ADGRA2: variants seen among roughly 807,000 people sequenced by gnomAD.
ADGRA2 encodes the protein adhesion G protein-coupled receptor A2.
ADGRA2 carries 61 observed loss-of-function variants against 98.7 expected under a neutral mutation model. The observed-to-expected ratio is 0.62, with a 90% CI of 0.50 to 0.76. The LOEUF is 0.76. ADGRA2 is among the 30% of genes least tolerant of loss of function. The probability of loss-of-function intolerance (pLI) is 0.00; values close to 1 mark genes in which losing one functional copy is unlikely to be tolerated. For missense variants in ADGRA2, 1,712 were observed against 1,860.0 expected, an observed-to-expected ratio of 0.92 and a Z score of 1.46; for synonymous variants, 858 against 831.5, an observed-to-expected ratio of 1.03 and a Z score of -0.55.
At position 37,840,265 on chromosome 8, in the gene ADGRA2, C is replaced by G; in HGVS notation, c.2656C>G (p.Arg886Gly). The change falls in exon 17 of 19, where the codon CGG (arginine) becomes GGG (glycine). Residue 886 changes from arginine to glycine, a missense_variant and splice_region_variant. Coordinates refer to ENST00000412232, the MANE Select transcript of ADGRA2 (RefSeq NM_032777.10). ...PALPTPSPML[R>G]FYLIAGGIPL... ...TCTGCCTACTCCCAGTCCTATGCTC[C>G]GGTACATACTTTCAATTCCAGCTTT... 6.2e-7 allele frequency: 1 copy of G among 1,611,856 alleles called. No homozygotes were observed. Among genetic ancestry groups the G allele is most frequent in the Non-Finnish European group, 8.5e-7 (1 of 1,179,944 alleles).
intron 2 of ADGRA2, among the ~76,000 whole-genome samples, chr8:37,825,219 T>C (rs1166313144): frequency 6.6e-6 from 1 of 151,976 alleles, no homozygotes; most frequent in Non-Finnish European, 1.5e-5. Flanking sequence ...AACGGAGGGA[T>C]CAGATCAGAC....
chr8:37,831,295 A>G (rs1805444375), intron 7 of ADGRA2, 128 bp from the exon 8 acceptor site: 1 of 817,024 alleles, frequency 1.2e-6, no homozygotes, highest in Non-Finnish European at 1.9e-6. Context: ...AAAGGAGTGC[A>G]TACTTGCATC....
intron 2 of ADGRA2, among the ~76,000 whole-genome samples, chr8:37,825,815 T>A (rs1805262539): frequency 1.3e-5 from 2 of 152,118 alleles, no homozygotes; most frequent in South Asian, 4.1e-4. Context: ...CATGGGTCCT[T>A]CAGGCTCTCA....
At chr8:37,818,183 G>C (rs967806976) in intron 2 of ADGRA2, among the ~76,000 whole-genome samples, 6 of 152,116 alleles carry the variant, frequency 3.9e-5, no homozygotes, top group Admixed American at 3.9e-4. Flanking sequence ...GGGGTCTTTG[G>C]AGGAAGGCAA....
intron 1 of ADGRA2, among the ~76,000 whole-genome samples, chr8:37,809,489 A>G (rs1331281741): frequency 6.6e-6 from 1 of 152,138 alleles, no homozygotes; most frequent in Admixed American, 6.6e-5. Flanking sequence ...GTTAAGGCCA[A>G]AAGATCCAAC....
chr8:37,828,150 C>CAAAAT (rs1014274389), intron 2 of ADGRA2, among the ~76,000 whole-genome samples: 2 of 151,880 alleles, frequency 1.3e-5, no homozygotes, highest in African/African-American at 4.8e-5. Flanking sequence ...AAAAACAAAA[C>CAAAAT]AAAACAAAAC....
intron 1 of ADGRA2, among the ~76,000 whole-genome samples, chr8:37,804,152 C>CACACACACACAT (rs67544121): frequency 6.7e-6 from 1 of 149,828 alleles, no homozygotes; most frequent in African/African-American, 2.5e-5. Context: ...CACACACACA[C>CACACACACACAT]GGCTCTTAGC....
At chr8:37,840,579 T>C (rs1181820538) in intron 17 of ADGRA2, among the ~76,000 whole-genome samples, 181 bp from the exon 18 acceptor site, 3 of 152,162 alleles carry the variant, frequency 2.0e-5, no homozygotes, top group African/African-American at 7.2e-5. Flanking sequence ...CTCTGCCCCT[T>C]AGAACAGTCA....
chr8:37,814,823 C>T lies in ADGRA2; in HGVS notation c.267-73C>T. The T allele has an allele frequency of 1.8e-6, 2 of 1,111,414 alleles. No individual in the cohort carries two copies. The highest frequency in any genetic ancestry group is 2.5e-5 in the South Asian group (2 of 79,984). 68.8% of individuals were successfully genotyped at this position (1,111,414 alleles called of 1,614,324 possible). ...CCATTGACAAAGATGCAAGCTGGCC[C>T]CACCAGTGGTGAAAGCGGATGCCCA... is the stretch of plus-strand genomic sequence containing the variant. On this transcript the variant is annotated intron_variant, in intron 1 of 18. Transcript: ENST00000412232. The surrounding 1 kb of genome is among the most constrained non-coding windows in gnomAD (Gnocchi z 4.3).
In ADGRA2 at chr8:37,839,010, G is replaced by A. The variant is rs141853893; in HGVS notation, c.2314G>A (p.Val772Met). Residue 772 changes from valine to methionine, a missense_variant, in exon 15 of 19, where the codon GTG becomes ATG. Physicochemically the swap from Val to Met is conservative, Grantham distance 21. Coordinates refer to ENST00000412232, the MANE Select transcript of ADGRA2 (RefSeq NM_032777.10). ...VGGAGAGLHP[V>M]VYPCTALLLL... ...GGGCGCCGGGGCAGGGCTGCACCCC[G>A]TGGTATACCCCTGCACGGCCTTGCT... is the stretch of plus-strand genomic sequence containing the variant. 201 of 1,600,158 alleles carry A rather than the reference G, an allele frequency of 1.3e-4. No homozygotes were observed. In the African/African-American group the frequency reaches 1.7e-3, roughly 14 times the overall value.
At chr8:37,840,338 G>T in intron 17 of ADGRA2, 72 bp downstream of exon 17, 6 of 1,515,558 alleles carry the variant, frequency 4.0e-6, no homozygotes, top group Non-Finnish European at 4.5e-6. Flanking sequence ...CTCCCAAGGT[G>T]GGTGAAGGGT....
intron 2 of ADGRA2, among the ~76,000 whole-genome samples, chr8:37,816,586 C>G (rs574028186): frequency 7.5e-6 from 1 of 133,700 alleles, no homozygotes; most frequent in Non-Finnish European, 1.6e-5. Flanking sequence ...AGCGAGACTC[C>G]GTCTCAAACA....
At chr8:37,835,130 G>T in intron 11 of ADGRA2, 44 bp from the exon 12 acceptor site, 2 of 1,418,434 alleles carry the variant, frequency 1.4e-6, no homozygotes, top group South Asian at 1.2e-5. Context: ...CCAAGCAGAA[G>T]GCCACCATCT....
At chr8:37,817,347 G>T (rs16887057) in intron 2 of ADGRA2, among the ~76,000 whole-genome samples, 1 of 152,180 alleles carries the variant, frequency 6.6e-6, no homozygotes, top group African/African-American at 2.4e-5. Context: ...CCCTCTAACC[G>T]TCTGCTCTGT....
intron 7 of ADGRA2, 119 bp from the exon 8 acceptor site, chr8:37,831,304 T>A: frequency 1.1e-6 from 1 of 880,932 alleles, no homozygotes. Context: ...CATACTTGCA[T>A]CCCTTGTTTC....
Position 37,844,472 on chromosome 8 carries a change from G to A in ADGRA2, c.*2117G>A, listed in dbSNP as rs1163232742. 3.1e-6 allele frequency: 5 copies of A among 1,608,446 alleles called. No individual in the cohort carries two copies. The Admixed American group carries it at 6.7e-5, about 21-fold the overall frequency. ...TCAAGCTGTCAGAACAGGATGAAGT[G>A]CTCCCAGTGGATATCCATCAGGGAG... On this transcript the variant is annotated 3_prime_UTR_variant, in exon 19 of 19. Coordinates refer to ENST00000412232, the MANE Select transcript of ADGRA2 (RefSeq NM_032777.10).
intron 2 of ADGRA2, among the ~76,000 whole-genome samples, chr8:37,815,285 G>T (rs6468441): frequency 0.011 from 1,712 of 152,286 alleles, 29 homozygotes; most frequent in African/African-American, 0.039. Flanking sequence ...CCTCCCCCTC[G>T]CAGCTGGGGG....
At chr8:37,837,965 CG>C (rs773012623) in intron 14 of ADGRA2, 26 bp downstream of exon 14, 29 of 1,277,098 alleles carry the variant, frequency 2.3e-5, no homozygotes, top group Admixed American at 6.4e-5. Context: ...GGTGACAAGT[CG>C]GGGGGGCAGG....
At position 37,841,019 on chromosome 8, in the gene ADGRA2, A is replaced by G; in HGVS notation, c.2748-67A>G. The G allele has an allele frequency of 7.4e-7, 1 of 1,344,842 alleles. No homozygotes were observed. The highest frequency in any genetic ancestry group is 1.0e-6 in the Non-Finnish European group (1 of 967,178). 83.3% of individuals were successfully genotyped at this position (1,344,842 alleles called of 1,614,324 possible). ...CTCACCATATCCTGTCTCCCCAACCACCCCGGCCCCCAGCCCCACCCCAGC... is the reference window on the plus strand; with the variant it reads ...CTCACCATATCCTGTCTCCCCAACCGCCCCGGCCCCCAGCCCCACCCCAGC... On this transcript the variant is annotated intron_variant, in intron 18 of 18. Coordinates refer to ENST00000412232, the MANE Select transcript of ADGRA2 (RefSeq NM_032777.10). The surrounding 1 kb of genome is among the most constrained non-coding windows in gnomAD (Gnocchi z 5.0).
Sources: gnomAD v4.1 joint callset for allele counts (sites outside exome capture counted in the v4.1 genomes callset) on GRCh38, gnomAD v4.1.1 for gene constraint, Gnocchi (gnomAD v3.1) non-coding constraint, MANE v1.5 for transcripts, NCBI Gene and HGNC (gene_info 2026-07-23, HGNC 2026-07-21) for gene names.